Variants in MDN1 observed in about 807,000 individuals in gnomAD.
MDN1 encodes midasin.
In MDN1, 266 loss-of-function variants were observed where a neutral mutation model predicts 669.2. The ratio of observed to expected loss-of-function variants is 0.40; its 90% CI spans 0.36 to 0.44. The LOEUF (loss-of-function observed/expected upper bound fraction) is 0.44, where lower values mean the gene tolerates loss of function less well. MDN1 is among the 20% of genes least tolerant of loss of function. The pLI, the probability that MDN1 is intolerant of heterozygous loss-of-function variation, is 1.00. For synonymous variants in MDN1, 2,385 were observed against 2,457.1 expected, an observed-to-expected ratio of 0.97 and a Z score of 0.87; for missense variants, 5,940 against 6,754.0, an observed-to-expected ratio of 0.88 and a Z score of 4.22.
rs1490908991 is a variant in MDN1 at position 89,730,848 on chromosome 6, G to C, written c.5018C>G (p.Ala1673Gly). 1 of 1,613,854 alleles carries C rather than the reference G, an allele frequency of 6.2e-7. No homozygotes were observed. Among genetic ancestry groups the C allele is most frequent in the South Asian group, 1.1e-5 (1 of 91,072 alleles). ...ATATTCTGTAAGTCGTACTATCTTG[G>C]CAAGCCTCTTGATTAGAAATTTCAG... ...ECLKFLIKRLAKIVRLTEYQK... is the reference protein window; with the variant it reads ...ECLKFLIKRLGKIVRLTEYQK... The change falls in exon 35 of 102, where the codon GCC becomes GGC. Residue 1673 changes from alanine (A) to glycine (G), a missense_variant. Coordinates refer to ENST00000369393, the MANE Select transcript of MDN1 (RefSeq NM_014611.3).
Position 89,693,022 on chromosome 6 carries a change from G to A in MDN1, c.10008C>T (p.Ser3336=). Residue 3336 remains serine (S), a synonymous_variant, in exon 63 of 102, where the codon AGC becomes AGT. Transcript: ENST00000369393. ...LVQEIHHYVT[S]IAKAPAVQDL... ...CCTGAACAGCAGGGGCCTTGGCGAT[G>A]CTGGTGACGTAGTGGTGGATCTCCT... is the stretch of plus-strand genomic sequence containing the variant. The A allele has an allele frequency of 6.2e-7, 1 of 1,614,234 alleles. No homozygotes were observed. Among genetic ancestry groups the A allele is most frequent in the South Asian group, 1.1e-5 (1 of 91,092 alleles).
At chr6:89,811,274 G>GT (rs966546169) in intron 1 of MDN1, among the ~76,000 whole-genome samples, 5 of 152,128 alleles carry the variant, frequency 3.3e-5, no homozygotes, top group Admixed American at 1.3e-4. Context: ...TAGGATACCT[G>GT]TAAGTATCTA....
chr6:89,648,177 G>A (rs769244060), intron 98 of MDN1, 31 bp from the exon 99 acceptor site: 15 of 1,607,208 alleles, frequency 9.3e-6, no homozygotes, highest in South Asian at 4.4e-5. Flanking sequence ...TACAACAGGA[G>A]TTATTTTTTG....
At position 89,643,763 on chromosome 6, in the gene MDN1, G is replaced by A. The variant is rs539755691; in HGVS notation, c.*242C>T. The A allele has an allele frequency of 8.5e-5, 32 of 378,480 alleles. 2 individuals are homozygous for A. In the Admixed American group the frequency reaches 1.4e-3, roughly 16 times the overall value. The allele number at this position is 378,480 out of a possible 1,614,324, so 23.4% of individuals were successfully genotyped here. A position where few individuals can be genotyped will look rare whatever the true frequency, so the allele number is the denominator to read the frequency against. On this transcript the variant is annotated 3_prime_UTR_variant, in exon 102 of 102. Transcript: ENST00000369393. ...CCCAGGCCAGGGCTTCCAAGGCAGG[G>A]AAGAAGGATAACTCTTCTCTAGTTA...
At chr6:89,675,362 T>G in intron 78 of MDN1, 102 bp downstream of exon 78, 2 of 936,518 alleles carry the variant, frequency 2.1e-6, no homozygotes, top group African/African-American at 1.6e-5. Context: ...ATTTCACAAT[T>G]GAGAGCATGT....
rs141026065 is a variant in MDN1, at chr6:89,714,712, G to C, written c.6900C>G (p.Ser2300=). 5.5e-5 allele frequency: 88 copies of C among 1,613,712 alleles called. No individual in the cohort carries two copies. In the African/African-American group the frequency reaches 1.1e-3, roughly 20 times the overall value. Residue 2300 remains serine (S), a synonymous_variant, in exon 46 of 102, where the codon TCC becomes TCG. Coordinates refer to ENST00000369393, the MANE Select transcript of MDN1 (RefSeq NM_014611.3). ...CAAGTCCACGATTCCTCATAGCTCG[G>C]GATATATCTCCATGAACAGGATCCA... The part of the protein sequence containing the change: ...LSMDPVHGDI[S]RAMRNRGLEI...
Position 89,732,704 on chromosome 6 carries a change from C to T in MDN1, c.4795G>A (p.Val1599Met). ...LTHQEFGRKC[V>M]VSIRDILSWV... ...GACAGGATATCTCTGATACTGACCA[C>T]ACACTTTCTGCCAAACTCTTGGTGG... is the stretch of plus-strand genomic sequence containing the variant. The change falls in exon 34 of 102, where the codon GTG (valine) becomes ATG (methionine). Residue 1599 changes from valine to methionine, a missense_variant. By Grantham distance (21) the Val-to-Met change is conservative (BLOSUM62 1). Transcript: ENST00000369393. 3 of 1,614,070 alleles carry T rather than the reference C, an allele frequency of 1.9e-6. No homozygotes were observed. The highest frequency in any genetic ancestry group is 1.3e-5 in the African/African-American group (1 of 74,998).
chr6:89,793,846 ATGTCCC>A lies in MDN1; in HGVS notation c.765_770del (p.Gln255_Gly256del), dbSNP rs752811414. On this transcript the variant is annotated inframe_deletion, in exon 5 of 102. Coordinates refer to ENST00000369393, the MANE Select transcript of MDN1 (RefSeq NM_014611.3). ...TAGGGGAGAGGTCAGACGAAACAAG[ATGTCCC>A]TGTAAGTACTGCAGCTCCTTCTGCT... The A allele has an allele frequency of 3.7e-6, 6 of 1,614,044 alleles. No individual in the cohort carries two copies. The African/African-American group carries it at 8.0e-5, about 22-fold the overall frequency.
intron 7 of MDN1, among the ~76,000 whole-genome samples, chr6:89,788,890 C>T (rs9359864): frequency 0.17 from 25,356 of 152,142 alleles, 2,187 homozygotes; most frequent in East Asian, 0.22. Flanking sequence ...CTTTGGGAGG[C>T]TGAGGCAGGC....
intron 15 of MDN1, among the ~76,000 whole-genome samples, chr6:89,766,709 G>A (rs1052788281): frequency 6.6e-6 from 1 of 152,180 alleles, no homozygotes; most frequent in African/African-American, 2.4e-5. Context: ...ACAACAAAAA[G>A]TGTAAAAAGA....
At chr6:89,701,730 GAC>G in intron 54 of MDN1, 52 bp from the exon 55 acceptor site, 1 of 1,575,454 alleles carries the variant, frequency 6.3e-7, no homozygotes, top group East Asian at 2.2e-5. Flanking sequence ...GGAAATGCTA[GAC>G]AGTAAGAGAA....
intron 5 of MDN1, among the ~76,000 whole-genome samples, chr6:89,792,174 G>C (rs534846330): frequency 1.2e-4 from 18 of 152,002 alleles, no homozygotes; most frequent in Non-Finnish European, 2.2e-4. Context: ...GGCCTTAAAT[G>C]TGTTTAATAA....
chr6:89,696,674 G>A, intron 59 of MDN1, 100 bp from the exon 60 acceptor site: 1 of 870,494 alleles, frequency 1.1e-6, no homozygotes, highest in Non-Finnish European at 1.8e-6. Flanking sequence ...AGTTCAGGTT[G>A]CTTGGAACAG....
chr6:89,733,120 C>T (rs1815709169), intron 33 of MDN1, among the ~76,000 whole-genome samples: 4 of 152,072 alleles, frequency 2.6e-5, no homozygotes, highest in Admixed American at 2.6e-4. Context: ...AGAAAATATG[C>T]AAATTTTGTT....
chr6:89,794,812 AAAG>A lies in MDN1; in HGVS notation c.330-14_330-12del, dbSNP rs781366303. The A allele has an allele frequency of 6.2e-7, 1 of 1,608,422 alleles. No homozygotes were observed. ...TATCTCAGGGCAAACCTTCAAACAC[AAAG>A]AATACAGACATCCCCAACTTAACAA... is the stretch of plus-strand genomic sequence containing the variant. On this transcript the variant is annotated splice_polypyrimidine_tract_variant and intron_variant, in intron 2 of 101. Coordinates refer to ENST00000369393, the MANE Select transcript of MDN1 (RefSeq NM_014611.3).
rs759430502 is a variant in MDN1, at chr6:89,672,170, GGAA to G, written c.13794+27_13794+29del. ...GCCTTTGCTCAGTGCATTCTGAAGA[GGAA>G]GAAGTTTGTAAAGAACAGTTAGTTA... On this transcript the variant is annotated intron_variant, in intron 82 of 101. Transcript: ENST00000369393. 1.7e-5 allele frequency: 26 copies of G among 1,543,002 alleles called. No homozygotes were observed. The East Asian group carries it at 5.5e-4, about 33-fold the overall frequency.
In MDN1 at chr6:89,785,046, T is replaced by C; in HGVS notation, c.1415A>G (p.His472Arg). The change falls in exon 9 of 102, where the codon CAC becomes CGC. Residue 472 changes from histidine to arginine, a missense_variant. His to Arg is a conservative substitution (Grantham distance 29). Transcript: ENST00000369393. Reference protein sequence around the residue: ...TLLDKYWTKIHLDNLDKRELN... With the variant: ...TLLDKYWTKIRLDNLDKRELN... ...TTCTCTCTTATCCAGGTTATCCAGG[T>C]GAATTTTGGTCCAATATTTGTCTAG... The C allele has an allele frequency of 1.2e-6, 2 of 1,613,986 alleles. No homozygotes were observed. Among genetic ancestry groups the C allele is most frequent in the Non-Finnish European group, 1.7e-6 (2 of 1,179,826 alleles).
In MDN1 at chr6:89,672,301, C is replaced by T. The variant is rs780226358; in HGVS notation, c.13693G>A (p.Asp4565Asn). Residue 4565 changes from aspartate (D) to asparagine (N), a missense_variant, in exon 82 of 102, where the codon GAT (aspartate) becomes AAT (asparagine). Physicochemically the swap from Asp to Asn is conservative, Grantham distance 23. Transcript: ENST00000369393. Reference sequence around the variant, plus strand: ...TTCTGCACGTGCAAAGTGCTCACATCGGCCCAGAAGTCATCCTCTAAGAGT... The same window carrying T: ...TTCTGCACGTGCAAAGTGCTCACATTGGCCCAGAAGTCATCCTCTAAGAGT... ...TKLLEDDFWA[D>N]VSTLHVQKII... 1.2e-5 allele frequency: 19 copies of T among 1,612,920 alleles called. No homozygotes were observed. The highest frequency in any genetic ancestry group is 3.3e-4 in the Middle Eastern group (2 of 6,082).
rs554431154 is a variant in MDN1, at chr6:89,696,916, G to C, written c.9169-342C>G. The stretch of plus-strand genomic sequence containing the variant: ...AAAGGAGTGAGAGACAGATGTAAGA[G>C]CCAGGGACAAAATATGCCATGTCTG... On this transcript the variant is annotated intron_variant, in intron 59 of 101. Transcript: ENST00000369393. 2.8e-3 allele frequency among the ~76,000 whole-genome samples: 430 copies of C among 152,306 alleles called. 2 individuals carry two copies. Among genetic ancestry groups the C allele is most frequent in the Non-Finnish European group, 2.9e-3 (194 of 68,036 alleles).
Sources: gnomAD v4.1 joint callset for allele counts (sites outside exome capture counted in the v4.1 genomes callset) on GRCh38, gnomAD v4.1.1 for gene constraint, MANE v1.5 for transcripts, NCBI Gene and HGNC (gene_info 2026-07-23, HGNC 2026-07-21) for gene names.